The following MYO18B variants were observed in gnomAD, a reference collection of about 807,000 sequenced individuals.
MYO18B encodes myosin XVIIIB.
MYO18B carries 204 observed loss-of-function variants against 273.0 expected under a neutral mutation model. That is an observed-to-expected ratio of 0.75 (90% CI 0.67 to 0.84). The LOEUF is 0.84. Ranked by LOEUF, MYO18B falls within the 40% of genes least tolerant of loss-of-function variation. The pLI is 0.00. For missense variants in MYO18B, 3,212 were observed against 3,287.6 expected, an observed-to-expected ratio of 0.98 and a Z score of 0.56; for synonymous variants, 1,330 against 1,305.7, an observed-to-expected ratio of 1.02 and a Z score of -0.40.
the MYO18B span, among the ~76,000 whole-genome samples, chr22:26,060,295 C>G: frequency 6.6e-6 from 1 of 152,250 alleles, no homozygotes; most frequent in South Asian, 2.1e-4. Flanking sequence ...GAATGGCTCA[C>G]AGAGCCTAAA....
chr22:26,027,636 C>A lies in MYO18B; in HGVS notation c.7662C>A (p.Asp2554Glu). ...ERREPGTGRK[D>E]DDVASIMKKY... The stretch of plus-strand genomic sequence containing the variant: ...GAGAGCCAGGGACGGGGAGGAAAGA[C>A]GACGATGTTGCGAGCATAATGAAGA... Residue 2554 changes from aspartate (D) to glutamate (E), a missense_variant, in exon 43 of 44, where the codon GAC becomes GAA. Asp to Glu is a conservative substitution (Grantham distance 45). Transcript: ENST00000335473. This position sits in a 1 kb window ranked among gnomAD's most constrained non-coding sequence, Gnocchi z 4.1. The A allele has an allele frequency of 6.2e-7, 1 of 1,613,638 alleles. No individual in the cohort carries two copies. Among genetic ancestry groups the A allele is most frequent in the Non-Finnish European group, 8.5e-7 (1 of 1,179,740 alleles).
At chr22:25,765,812 A>G (rs182969829) in intron 3 of MYO18B, among the ~76,000 whole-genome samples, 16 of 152,196 alleles carry the variant, frequency 1.1e-4, no homozygotes, top group Non-Finnish European at 2.4e-4. Context: ...TGTTTGGCCC[A>G]CCCCATGTTA....
intron 17 of MYO18B, 147 bp downstream of exon 17, chr22:25,835,590 C>A: frequency 9.9e-7 from 1 of 1,006,572 alleles, no homozygotes; most frequent in Admixed American, 2.4e-5. Flanking sequence ...TGTATGCTTT[C>A]ATTCATTCAA....
intron 17 of MYO18B, among the ~76,000 whole-genome samples, chr22:25,836,787 C>A (rs1431475872): frequency 6.6e-6 from 1 of 151,918 alleles, no homozygotes; most frequent in Admixed American, 6.6e-5. Context: ...GTGGTGAAAC[C>A]CCATCTCTAC....
At chr22:25,746,856 T>G (rs190419796) in intron 1 of MYO18B, among the ~76,000 whole-genome samples, 1 of 152,362 alleles carries the variant, frequency 6.6e-6, no homozygotes, top group African/African-American at 2.4e-5. Flanking sequence ...GCGCAGTGGC[T>G]CATGCCTGTA....
intron 11 of MYO18B, among the ~76,000 whole-genome samples, chr22:25,793,271 G>A (rs2087758559): frequency 1.3e-5 from 2 of 152,156 alleles, no homozygotes; most frequent in Non-Finnish European, 2.9e-5. Context: ...GTCTTATTCT[G>A]TCATCCAGGA....
chr22:26,030,821 C>T lies in MYO18B; in HGVS notation c.*391C>T, dbSNP rs568870314. 7 of 397,982 alleles carry T rather than the reference C, an allele frequency of 1.8e-5. No homozygotes were observed. In the South Asian group the frequency reaches 9.1e-4, roughly 52 times the overall value. The allele number at this position is 397,982 out of a possible 1,614,324, so 24.7% of individuals were successfully genotyped here. On this transcript the variant is annotated 3_prime_UTR_variant, in exon 44 of 44. Transcript: ENST00000335473. ...ACCTTCCTCCTCCTCTTCACTTGGCCAGTTTCAGCTCACTTCCTCCAGGAA... is the reference window on the plus strand; with the variant it reads ...ACCTTCCTCCTCCTCTTCACTTGGCTAGTTTCAGCTCACTTCCTCCAGGAA...
intron 11 of MYO18B, among the ~76,000 whole-genome samples, chr22:25,787,704 C>G (rs937803119): frequency 1.3e-5 from 2 of 152,048 alleles, no homozygotes; most frequent in Non-Finnish European, 2.9e-5. Context: ...TGAACAGATG[C>G]AACGAGGCTG....
rs931383672 is a variant in MYO18B at position 26,027,599 on chromosome 22, C to A, written c.7625C>A (p.Ser2542Tyr). The change falls in exon 43 of 44, where the codon TCC (serine) becomes TAC (tyrosine). Residue 2542 changes from serine to tyrosine, a missense_variant. Transcript: ENST00000335473. This position sits in a 1 kb window ranked among gnomAD's most constrained non-coding sequence, Gnocchi z 4.1. Reference protein sequence around the residue: ...RLAGDGGERTSPERREPGTGR... With the variant: ...RLAGDGGERTYPERREPGTGR... ...GCGGGTGACGGTGGCGAGCGAACGT[C>A]CCCCGAGCGGAGAGAGCCAGGGACG... 1.2e-5 allele frequency: 20 copies of A among 1,613,786 alleles called. No individual in the cohort carries two copies. Among genetic ancestry groups the A allele is most frequent in the Non-Finnish European group, 1.5e-5 (18 of 1,179,882 alleles).
chr22:25,852,092 T>C (rs1320461166), intron 21 of MYO18B, among the ~76,000 whole-genome samples: 1 of 152,192 alleles, frequency 6.6e-6, no homozygotes, highest in Non-Finnish European at 1.5e-5. Flanking sequence ...TGGGGTGGTC[T>C]ATGAAAAGAG....
intron 14 of MYO18B, among the ~76,000 whole-genome samples, chr22:25,828,504 T>C (rs2089577693): frequency 6.6e-6 from 1 of 151,934 alleles, no homozygotes; most frequent in Non-Finnish European, 1.5e-5. Context: ...GACCTTAAGC[T>C]AGTCATTTTT....
At chr22:25,988,102 C>T (rs1193042701) in intron 39 of MYO18B, among the ~76,000 whole-genome samples, 1 of 151,914 alleles carries the variant, frequency 6.6e-6, no homozygotes, top group African/African-American at 2.4e-5. Context: ...GTCGTTGCCT[C>T]CCGCCCACTT....
At chr22:25,876,165 A>G in intron 23 of MYO18B, 24 bp from the exon 24 acceptor site, 1 of 1,603,172 alleles carries the variant, frequency 6.2e-7, no homozygotes, top group Non-Finnish European at 8.5e-7. Flanking sequence ...AGGACCCTCC[A>G]GTCTGTGTTC....
At chr22:25,824,648 G>T (rs1247738021) in intron 13 of MYO18B, among the ~76,000 whole-genome samples, 1 of 152,098 alleles carries the variant, frequency 6.6e-6, no homozygotes, top group Non-Finnish European at 1.5e-5. Context: ...CTTTGGAGCT[G>T]CTTCCACCTT....
chr22:25,886,171 A>G (rs2091493132), intron 25 of MYO18B, among the ~76,000 whole-genome samples: 1 of 152,204 alleles, frequency 6.6e-6, no homozygotes. Flanking sequence ...TCTGTGGGCA[A>G]ACCTGTGCAT....
intron 42 of MYO18B, among the ~76,000 whole-genome samples, chr22:26,015,904 T>C (rs1448645932): frequency 2.0e-5 from 3 of 152,226 alleles, no homozygotes; most frequent in Non-Finnish European, 4.4e-5. Context: ...AGAATGTAAG[T>C]TACTTGAAGA....
chr22:25,829,871 A>T (rs2089644949), intron 15 of MYO18B, among the ~76,000 whole-genome samples: 1 of 151,790 alleles, frequency 6.6e-6, no homozygotes, highest in Non-Finnish European at 1.5e-5. Context: ...AATAAAATAA[A>T]ATAAATAAAA....
At chr22:25,926,711 A>C (rs776717499) in intron 34 of MYO18B, among the ~76,000 whole-genome samples, 92 of 152,180 alleles carry the variant, frequency 6.0e-4, no homozygotes, top group Non-Finnish European at 1.2e-3. Flanking sequence ...ATTTGAGGCC[A>C]AGCTACAGGG....
In MYO18B at chr22:25,898,471, A is replaced by G. The variant is rs773771056; in HGVS notation, c.4823+10A>G. ...AGAAGAAGCAGAAGAAGTGAGTTGC[A>G]TCTCTCACCATCACCTGGGCTGCCA... On this transcript the variant is annotated intron_variant, in intron 29 of 43. Coordinates refer to ENST00000335473, the MANE Select transcript of MYO18B (RefSeq NM_032608.7). 3 of 1,612,438 alleles carry G rather than the reference A, an allele frequency of 1.9e-6. No homozygotes were observed. The highest frequency in any genetic ancestry group is 1.3e-5 in the African/African-American group (1 of 75,016).
Sources: gnomAD v4.1 joint callset for allele counts (sites outside exome capture counted in the v4.1 genomes callset) on GRCh38, gnomAD v4.1.1 for gene constraint, Gnocchi (gnomAD v3.1) non-coding constraint, MANE v1.5 for transcripts, NCBI Gene and HGNC (gene_info 2026-07-23, HGNC 2026-07-21) for gene names.